The following PLA2G4A variants were observed in gnomAD, a reference collection of about 807,000 sequenced individuals.
PLA2G4A encodes the protein phospholipase A2 group IVA.
PLA2G4A carries 40 observed loss-of-function variants against 81.9 expected under a neutral mutation model. That is an observed-to-expected ratio of 0.49 (90% CI 0.38 to 0.64). PLA2G4A has a LOEUF of 0.64. Ranked by LOEUF, PLA2G4A falls within the 30% of genes least tolerant of loss-of-function variation. The pLI is 0.00. For missense variants in PLA2G4A, 715 were observed against 905.1 expected (o/e 0.79, Z 2.69); for synonymous variants, 302 against 296.9 (o/e 1.02, Z -0.18).
At chr1:186,948,825 A>T (rs1177308002) in intron 12 of PLA2G4A, among the ~76,000 whole-genome samples, 2 of 152,136 alleles carry the variant, frequency 1.3e-5, no homozygotes, top group Non-Finnish European at 2.9e-5. Flanking sequence ...TGTATGTGTG[A>T]TCCGCCAGTC....
At chr1:186,909,730 C>G (rs934782536) in intron 6 of PLA2G4A, among the ~76,000 whole-genome samples, 1 of 150,386 alleles carries the variant, frequency 6.6e-6, no homozygotes, top group Non-Finnish European at 1.5e-5. Flanking sequence ...TTTCCAAAAT[C>G]ATATTTAATA....
chr1:186,972,461 G>A (rs1657388450), intron 15 of PLA2G4A, among the ~76,000 whole-genome samples: 1 of 152,082 alleles, frequency 6.6e-6, no homozygotes, highest in African/African-American at 2.4e-5. Flanking sequence ...AAGGGACTTT[G>A]GGTTTTGTCG....
At position 186,974,329 on chromosome 1, in the gene PLA2G4A, T is replaced by C. The variant is rs900778246; in HGVS notation, c.1765-3264T>C. On this transcript the variant is annotated intron_variant, in intron 15 of 17. Coordinates refer to ENST00000367466, the MANE Select transcript of PLA2G4A (RefSeq NM_024420.3). ...GGCCAATATGGTGAAACCCCTTCTC[T>C]ACTAAAAATACAAAAATTAGCCAGG... 2.3e-4 allele frequency among the ~76,000 whole-genome samples: 35 copies of C among 152,194 alleles called. 1 individual carries two copies. The highest frequency in any genetic ancestry group is 8.4e-4 in the African/African-American group (35 of 41,524).
chr1:186,835,628 G>C (rs551073395), intron 1 of PLA2G4A, among the ~76,000 whole-genome samples: 4 of 152,152 alleles, frequency 2.6e-5, no homozygotes, highest in African/African-American at 7.2e-5. Context: ...AGAAGAGGTG[G>C]ATGAATTTTA....
intron 8 of PLA2G4A, among the ~76,000 whole-genome samples, chr1:186,934,808 C>T (rs1655882579): frequency 6.6e-6 from 1 of 151,760 alleles, no homozygotes; most frequent in African/African-American, 2.4e-5. Flanking sequence ...TCCTATCATG[C>T]CTTTTCAGTT....
At chr1:186,984,578 A>T (rs1343703913) in intron 17 of PLA2G4A, among the ~76,000 whole-genome samples, 1 of 152,202 alleles carries the variant, frequency 6.6e-6, no homozygotes, top group Non-Finnish European at 1.5e-5. Context: ...CTCATTTCTT[A>T]ATTCATTAAT....
intron 3 of PLA2G4A, among the ~76,000 whole-genome samples, chr1:186,886,271 C>T (rs1404151500): frequency 6.6e-6 from 1 of 152,102 alleles, no homozygotes; most frequent in Non-Finnish European, 1.5e-5. Flanking sequence ...AGTCCAGAAA[C>T]AGACTTACAC....
chr1:186,856,788 G>T (rs1298433893), intron 2 of PLA2G4A, among the ~76,000 whole-genome samples: 2 of 151,730 alleles, frequency 1.3e-5, no homozygotes, highest in African/African-American at 4.8e-5. Context: ...TCTAGGGGAA[G>T]TAAGATGTCA....
chr1:186,956,162 A>G lies in PLA2G4A; in HGVS notation c.1397A>G (p.His466Arg), dbSNP rs775618930. ...AGTGATAATCAAGCAAGTTGGATTC[A>G]TCGTATGATAATGGCCTTGGTGAGT... ...YQSDNQASWI[H>R]RMIMALVSDS... The change falls in exon 14 of 18, where the codon CAT becomes CGT. Residue 466 changes from histidine (H) to arginine (R), a missense_variant. Coordinates refer to ENST00000367466, the MANE Select transcript of PLA2G4A (RefSeq NM_024420.3). The G allele has an allele frequency of 5.0e-6, 8 of 1,613,332 alleles. No homozygotes were observed. The highest frequency in any genetic ancestry group is 4.0e-5 in the African/African-American group (3 of 75,032).
At chr1:186,842,209 AT>A (rs1257275422) in intron 1 of PLA2G4A, among the ~76,000 whole-genome samples, 1 of 151,824 alleles carries the variant, frequency 6.6e-6, no homozygotes, top group East Asian at 1.9e-4. Context: ...CACCTGGCTA[AT>A]TTTTTGTATT....
intron 15 of PLA2G4A, among the ~76,000 whole-genome samples, chr1:186,966,739 T>C (rs1010264940): frequency 1.3e-5 from 2 of 152,194 alleles, no homozygotes; most frequent in African/African-American, 4.8e-5. Context: ...TCAAGTGTTA[T>C]CTTTCTTGAC....
intron 12 of PLA2G4A, among the ~76,000 whole-genome samples, chr1:186,947,476 A>T (rs12720628): frequency 0.032 from 4,857 of 152,284 alleles, 284 homozygotes; most frequent in African/African-American, 0.11. Flanking sequence ...ATTAAATCTA[A>T]CCTATTGGCC....
intron 10 of PLA2G4A, among the ~76,000 whole-genome samples, chr1:186,946,310 A>C (rs1009978615): frequency 1.2e-4 from 19 of 152,296 alleles, no homozygotes; most frequent in African/African-American, 4.3e-4. Context: ...ATTTATATCT[A>C]GTTAGCAGTT....
At chr1:186,884,854 T>C (rs1237525957) in intron 3 of PLA2G4A, among the ~76,000 whole-genome samples, 2 of 149,478 alleles carry the variant, frequency 1.3e-5, no homozygotes, top group African/African-American at 5.0e-5. Context: ...ATGGTGCCAC[T>C]GCACTCCAGG....
chr1:186,883,751 G>C (rs1258106814), intron 3 of PLA2G4A, among the ~76,000 whole-genome samples: 1 of 152,114 alleles, frequency 6.6e-6, no homozygotes, highest in African/African-American at 2.4e-5. Flanking sequence ...CACCAAGGAT[G>C]TTGCATATGT....
chr1:186,840,427 C>G (rs1231351878), intron 1 of PLA2G4A, among the ~76,000 whole-genome samples: 1 of 152,004 alleles, frequency 6.6e-6, no homozygotes, highest in African/African-American at 2.4e-5. Flanking sequence ...AAATGGTAAC[C>G]CTGAATTCCT....
chr1:186,839,499 T>C (rs1651902114), intron 1 of PLA2G4A, among the ~76,000 whole-genome samples: 1 of 152,186 alleles, frequency 6.6e-6, no homozygotes, highest in Non-Finnish European at 1.5e-5. Context: ...ATTTCGTATT[T>C]TCCAAAGAAC....
At chr1:186,912,329 T>C (rs1363434334) in intron 7 of PLA2G4A, among the ~76,000 whole-genome samples, 1 of 152,162 alleles carries the variant, frequency 6.6e-6, no homozygotes, top group Non-Finnish European at 1.5e-5. Context: ...TCCAAGTCCA[T>C]AGTTTACGCT....
intron 1 of PLA2G4A, among the ~76,000 whole-genome samples, chr1:186,845,605 TC>T (rs1162308616): frequency 6.6e-6 from 1 of 152,018 alleles, no homozygotes; most frequent in African/African-American, 2.4e-5. Context: ...GAGAAAAGAA[TC>T]TTTTGCATTC....
Sources: gnomAD v4.1 joint callset for allele counts (sites outside exome capture counted in the v4.1 genomes callset) on GRCh38, gnomAD v4.1.1 for gene constraint, MANE v1.5 for transcripts, NCBI Gene and HGNC (gene_info 2026-07-23, HGNC 2026-07-21) for gene names.